Variants in USP25 observed in about 807,000 individuals in gnomAD.
USP25 encodes ubiquitin specific peptidase 25, also known as ubiquitin carboxyl-terminal hydrolase 25.
In USP25, 85 loss-of-function variants were observed where a neutral mutation model predicts 158.5. The observed-to-expected ratio is 0.54, with a 90% CI of 0.45 to 0.64. The LOEUF is 0.64. USP25 is among the 30% of genes least tolerant of loss of function. The pLI, the probability that USP25 is intolerant of heterozygous loss-of-function variation, is 0.00. For missense variants in USP25, 1,242 were observed against 1,327.3 expected (o/e 0.94, Z 1.00); for synonymous variants, 464 against 460.4 (o/e 1.01, Z -0.10).
chr21:15,854,446 G>A (rs1248038607), intron 20 of USP25, among the ~76,000 whole-genome samples: 1 of 151,794 alleles, frequency 6.6e-6, no homozygotes, highest in Non-Finnish European at 1.5e-5. Flanking sequence ...GCCCGGCCGT[G>A]TTTTTGTTTT....
intron 25 of USP25, 115 bp from the exon 26 acceptor site, chr21:15,878,187 TC>T: frequency 5.9e-6 from 8 of 1,363,260 alleles, no homozygotes; most frequent in Non-Finnish European, 7.9e-6. Context: ...TGTTTTTGTC[TC>T]CCCAAAATGG....
At chr21:15,865,435 A>G (rs770294861) in intron 21 of USP25, among the ~76,000 whole-genome samples, 26 of 152,154 alleles carry the variant, frequency 1.7e-4, no homozygotes, top group Non-Finnish European at 3.4e-4. Flanking sequence ...GTGCCGTGAA[A>G]TGTAGGATTC....
chr21:15,788,286 TTTGCTTTATAAAAAG>T (rs2035407275), intron 4 of USP25, among the ~76,000 whole-genome samples: 1 of 151,940 alleles, frequency 6.6e-6, no homozygotes, highest in South Asian at 2.1e-4. Flanking sequence ...TATGCAGGAT[TTTGCTTTATAAAAAG>T]TTTGGATTTA....
Position 15,824,106 on chromosome 21 carries a change from T to C in USP25, c.1148T>C (p.Leu383Ser). The change falls in exon 11 of 26, where the codon TTG (leucine) becomes TCG (serine). Residue 383 changes from leucine (L) to serine (S), a missense_variant. By Grantham distance (145) the Leu-to-Ser change is moderately radical (BLOSUM62 -2). Transcript: ENST00000400183. ...ELSRFEFNQA[L>S]GRPEKIHNKL... ...TCAAGATTTGAATTTAATCAGGCAT[T>C]GGGAAGACCAGAAAAAATTCACAAC... 2.5e-6 allele frequency: 4 copies of C among 1,613,654 alleles called. No individual in the cohort carries two copies. Among genetic ancestry groups the C allele is most frequent in the Non-Finnish European group, 3.4e-6 (4 of 1,179,836 alleles).
At chr21:15,757,104 G>A (rs891116435) in intron 1 of USP25, among the ~76,000 whole-genome samples, 2 of 152,076 alleles carry the variant, frequency 1.3e-5, no homozygotes, top group Admixed American at 6.6e-5. Flanking sequence ...AACAGAAATG[G>A]CAACAAAACC....
intron 1 of USP25, among the ~76,000 whole-genome samples, chr21:15,731,719 A>C (rs142780298): frequency 6.6e-6 from 1 of 152,260 alleles, no homozygotes; most frequent in Non-Finnish European, 1.5e-5. Flanking sequence ...TGCACACTGC[A>C]CTTTATTTAC....
At chr21:15,748,369 A>G (rs2032724654) in intron 1 of USP25, among the ~76,000 whole-genome samples, 1 of 150,458 alleles carries the variant, frequency 6.6e-6, no homozygotes, top group Admixed American at 6.6e-5. Flanking sequence ...TCAGCCTCAA[A>G]CTCCTGGACC....
intron 1 of USP25, among the ~76,000 whole-genome samples, chr21:15,735,222 A>C (rs1450495038): frequency 6.6e-6 from 1 of 152,200 alleles, no homozygotes; most frequent in Admixed American, 6.5e-5. Flanking sequence ...AGAATTTGGT[A>C]TACAATTGGC....
At chr21:15,866,872 C>T (rs991433153) in intron 22 of USP25, among the ~76,000 whole-genome samples, 1 of 152,152 alleles carries the variant, frequency 6.6e-6, no homozygotes, top group African/African-American at 2.4e-5. Context: ...AAGGTTTTCA[C>T]AGCCACAAGT....
intron 1 of USP25, among the ~76,000 whole-genome samples, chr21:15,749,152 A>G (rs1044909471): frequency 2.0e-5 from 3 of 152,200 alleles, no homozygotes; most frequent in Non-Finnish European, 2.9e-5. Flanking sequence ...TAGCTTACCT[A>G]TAAGTTAGCG....
intron 20 of USP25, among the ~76,000 whole-genome samples, chr21:15,859,411 G>A (rs1238943107): frequency 6.6e-6 from 1 of 151,906 alleles, no homozygotes; most frequent in South Asian, 2.1e-4. Context: ...TAGCCAGGGT[G>A]GTCTCAATCT....
At chr21:15,762,113 ATGTG>A (rs2033761294) in intron 1 of USP25, among the ~76,000 whole-genome samples, 1 of 152,088 alleles carries the variant, frequency 6.6e-6, no homozygotes, top group South Asian at 2.1e-4. Flanking sequence ...GCTGAGATAA[ATGTG>A]AAACATCTTT....
In USP25 at chr21:15,879,551, G is replaced by A. The variant is rs1024436107; in HGVS notation, c.*1076G>A. On this transcript the variant is annotated 3_prime_UTR_variant, in exon 26 of 26. Coordinates refer to ENST00000400183, the MANE Select transcript of USP25 (RefSeq NM_001283041.3). ...AAAGGAAAAAGCTGTAGAACATTTT[G>A]TAGATGAAACTACTGTTTAAGATTA... 2 of 152,450 alleles carry A rather than the reference G, an allele frequency of 1.3e-5. No individual in the cohort carries two copies. Among genetic ancestry groups the A allele is most frequent in the Admixed American group, 6.6e-5 (1 of 15,266 alleles). The allele number at this position is 152,450 out of a possible 1,614,324, so 9.4% of individuals were successfully genotyped here. A position where few individuals can be genotyped will look rare whatever the true frequency, so the allele number is the denominator to read the frequency against.
chr21:15,742,897 T>C (rs2123234559), intron 1 of USP25, among the ~76,000 whole-genome samples: 1 of 152,282 alleles, frequency 6.6e-6, no homozygotes, highest in Admixed American at 6.5e-5. Flanking sequence ...ATGGCGGGAC[T>C]GGGTATACCG....
intron 1 of USP25, among the ~76,000 whole-genome samples, chr21:15,756,034 G>A (rs2033350513): frequency 6.6e-6 from 1 of 152,148 alleles, no homozygotes. Context: ...GCAAACAAAA[G>A]TTGTCTTTGT....
At position 15,878,701 on chromosome 21, in the gene USP25, TC is replaced by T; in HGVS notation, c.*227del. On this transcript the variant is annotated 3_prime_UTR_variant, in exon 26 of 26. Transcript: ENST00000400183. ...ACCGGAACTGATGTATAATCACAAA[TC>T]TAATTGATTTTATTATGGCAAAACT... is the stretch of plus-strand genomic sequence containing the variant. The T allele has an allele frequency of 2.4e-6, 1 of 413,718 alleles. No individual in the cohort carries two copies. Among genetic ancestry groups the T allele is most frequent in the Non-Finnish European group, 4.2e-6 (1 of 237,126 alleles). The allele number at this position is 413,718 out of a possible 1,614,324, so 25.6% of individuals were successfully genotyped here.
chr21:15,780,258 CCTGT>C (rs1335695678), intron 4 of USP25, among the ~76,000 whole-genome samples: 1 of 152,090 alleles, frequency 6.6e-6, no homozygotes, highest in Non-Finnish European at 1.5e-5. Context: ...TGAGATAAAG[CCTGT>C]CTTTTTACGT....
chr21:15,865,918 G>A (rs1601175057), intron 21 of USP25, among the ~76,000 whole-genome samples: 1 of 152,054 alleles, frequency 6.6e-6, no homozygotes, highest in Non-Finnish European at 1.5e-5. Context: ...CATGTGGGGG[G>A]AAAAGAAGAT....
At chr21:15,761,573 T>A (rs1370593467) in intron 1 of USP25, among the ~76,000 whole-genome samples, 2 of 152,160 alleles carry the variant, frequency 1.3e-5, no homozygotes, top group African/African-American at 4.8e-5. Flanking sequence ...AACACCCAAC[T>A]GGTAAGGGAA....
Sources: allele counts gnomAD v4.1 joint callset (sites outside exome capture counted in the v4.1 genomes callset), GRCh38; gene constraint gnomAD v4.1.1; transcripts MANE v1.5; gene names NCBI Gene and HGNC (gene_info 2026-07-23, HGNC 2026-07-21).